The following LRRTM4 variants were observed in gnomAD, a reference collection of about 807,000 sequenced individuals.
LRRTM4 encodes leucine rich repeat transmembrane neuronal 4.
A neutral mutation model predicts 47.6 loss-of-function variants in LRRTM4; 25 were observed. That is an observed-to-expected ratio of 0.53 (90% confidence interval 0.38 to 0.73). The LOEUF (loss-of-function observed/expected upper bound fraction) is 0.73. Ranked by LOEUF, LRRTM4 falls within the 30% of genes least tolerant of loss-of-function variation. LRRTM4 has a pLI of 0.00. For missense variants in LRRTM4, 638 were observed against 713.4 expected, an observed-to-expected ratio of 0.89 and a Z score of 1.20; for synonymous variants, 311 against 269.5, an observed-to-expected ratio of 1.15 and a Z score of -1.51.
At chr2:76,955,750 G>A (rs959429291) in intron 3 of LRRTM4, among the ~76,000 whole-genome samples, 1 of 151,670 alleles carries the variant, frequency 6.6e-6, no homozygotes, top group Admixed American at 6.6e-5. Flanking sequence ...CACTTGGGGA[G>A]GGTACAAGGA....
intron 3 of LRRTM4, among the ~76,000 whole-genome samples, chr2:76,970,925 T>C (rs1484117212): frequency 2.0e-5 from 3 of 151,954 alleles, no homozygotes; most frequent in Admixed American, 6.6e-5. Flanking sequence ...TGAGGCCTAC[T>C]TGAGTCATGG....
At chr2:76,877,484 A>T (rs984617058) in intron 3 of LRRTM4, among the ~76,000 whole-genome samples, 21 of 152,110 alleles carry the variant, frequency 1.4e-4, no homozygotes, top group African/African-American at 4.8e-4. Context: ...CCTAGGGTGA[A>T]GTATAAAATA....
chr2:76,977,629 T>C (rs978450120), intron 3 of LRRTM4, among the ~76,000 whole-genome samples: 1 of 152,100 alleles, frequency 6.6e-6, no homozygotes, highest in South Asian at 2.1e-4. Flanking sequence ...ATTGGGTTCC[T>C]AGGTCCACAC....
intron 3 of LRRTM4, among the ~76,000 whole-genome samples, chr2:77,512,837 A>T (rs1679071206): frequency 5.3e-5 from 8 of 152,272 alleles, no homozygotes; most frequent in Admixed American, 5.2e-4. Context: ...GGGAGTCTTC[A>T]AGAGCAATCA....
chr2:77,021,652 G>T (rs1264260017), intron 3 of LRRTM4, among the ~76,000 whole-genome samples: 1 of 152,172 alleles, frequency 6.6e-6, no homozygotes, highest in Non-Finnish European at 1.5e-5. Flanking sequence ...TAACCAGACT[G>T]CCAGCTGAAT....
intron 3 of LRRTM4, among the ~76,000 whole-genome samples, chr2:77,059,962 G>A (rs1329670462): frequency 6.6e-6 from 1 of 152,094 alleles, no homozygotes; most frequent in East Asian, 1.9e-4. Flanking sequence ...TTTGTTTTTT[G>A]TATCTGCTTT....
chr2:77,258,517 A>G (rs1036513747), intron 3 of LRRTM4, among the ~76,000 whole-genome samples: 2 of 152,118 alleles, frequency 1.3e-5, no homozygotes, highest in African/African-American at 4.8e-5. Context: ...GGAACCCTGA[A>G]TATATAATAC....
At chr2:76,958,679 G>C (rs192877073) in intron 3 of LRRTM4, among the ~76,000 whole-genome samples, 38 of 151,782 alleles carry the variant, frequency 2.5e-4, no homozygotes, top group African/African-American at 8.7e-4. Flanking sequence ...CAAGAAAATA[G>C]CTCTTGGGTA....
intron 3 of LRRTM4, among the ~76,000 whole-genome samples, chr2:76,929,064 T>G (rs375179455): frequency 1.3e-5 from 2 of 152,144 alleles, no homozygotes; most frequent in Non-Finnish European, 2.9e-5. Flanking sequence ...TGGAGTTATC[T>G]TACTACAACA....
chr2:76,789,807 T>TTTA (rs1424781363), intron 3 of LRRTM4, among the ~76,000 whole-genome samples: 4 of 152,118 alleles, frequency 2.6e-5, no homozygotes, highest in African/African-American at 9.7e-5. Context: ...GTCTTCCCAT[T>TTTA]TTATTATTTT....
intron 3 of LRRTM4, among the ~76,000 whole-genome samples, chr2:77,453,336 C>A (rs1676339666): frequency 6.6e-6 from 1 of 151,864 alleles, no homozygotes; most frequent in Admixed American, 6.6e-5. Context: ...CGCCCACCAC[C>A]ACGCCTGGCT....
chr2:77,005,895 T>C (rs929913835), intron 3 of LRRTM4, among the ~76,000 whole-genome samples: 9 of 152,180 alleles, frequency 5.9e-5, no homozygotes, highest in African/African-American at 2.2e-4. Context: ...TTTATTAACA[T>C]CCTCTTGTGT....
At position 77,005,732 on chromosome 2, in the gene LRRTM4, T is replaced by C. The variant is rs114201575; in HGVS notation, c.1552-256816A>G. On this transcript the variant is annotated intron_variant, in intron 3 of 3. Coordinates refer to ENST00000409884, the MANE Select transcript of LRRTM4 (RefSeq NM_001134745.3). ...GACATGACTTTGCTGCTCATTCACC[T>C]TCCGCAGTGATTGCGAGGCCTCTCC... 8.5e-3 allele frequency among the ~76,000 whole-genome samples: 1,300 copies of C among 152,296 alleles called. 21 individuals are homozygous for C. The highest frequency in any genetic ancestry group is 0.029 in the African/African-American group (1,224 of 41,572).
chr2:76,886,044 A>G (rs1478449112), intron 3 of LRRTM4, among the ~76,000 whole-genome samples: 1 of 152,210 alleles, frequency 6.6e-6, no homozygotes, highest in Non-Finnish European at 1.5e-5. Flanking sequence ...GAATTGCTCA[A>G]CATTTTATCA....
chr2:77,395,638 A>G (rs1301839390), intron 3 of LRRTM4, among the ~76,000 whole-genome samples: 2 of 151,896 alleles, frequency 1.3e-5, no homozygotes, highest in African/African-American at 4.8e-5. Context: ...CTTCATATTT[A>G]GGTTGTTTTA....
At chr2:77,478,185 T>A (rs1049405149) in intron 3 of LRRTM4, among the ~76,000 whole-genome samples, 14 of 152,210 alleles carry the variant, frequency 9.2e-5, no homozygotes, top group African/African-American at 3.4e-4. Context: ...TCCCACAGAT[T>A]AAGTTGATCA....
intron 3 of LRRTM4, among the ~76,000 whole-genome samples, chr2:77,407,653 T>A (rs1367057537): frequency 7.9e-6 from 1 of 126,568 alleles, no homozygotes; most frequent in Admixed American, 7.9e-5. Context: ...ATATATATTA[T>A]ATAATTATAT....
chr2:76,975,386 G>A (rs944289255), intron 3 of LRRTM4, among the ~76,000 whole-genome samples: 115 of 150,326 alleles, frequency 7.7e-4, no homozygotes, highest in South Asian at 2.1e-4. Context: ...TCATTCTTCT[G>A]GCTTAATCAT....
intron 3 of LRRTM4, among the ~76,000 whole-genome samples, chr2:77,163,983 C>G (rs1484302100): frequency 6.6e-6 from 1 of 152,092 alleles, no homozygotes; most frequent in East Asian, 1.9e-4. Flanking sequence ...TGTAAATGGG[C>G]TAAAGGCTCC....
Sources: allele counts gnomAD v4.1 joint callset (sites outside exome capture counted in the v4.1 genomes callset), GRCh38; gene constraint gnomAD v4.1.1; transcripts MANE v1.5; gene names NCBI Gene and HGNC (gene_info 2026-07-23, HGNC 2026-07-21).